The following CNTN4 variants were observed in gnomAD, a reference collection of about 807,000 sequenced individuals.
CNTN4 encodes the protein contactin-4.
A neutral mutation model predicts 122.5 loss-of-function variants in CNTN4; 77 were observed. The observed-to-expected ratio is 0.63, with a 90% CI of 0.52 to 0.76. The LOEUF is 0.76. Among genes scored for constraint, CNTN4 ranks in the 30% least tolerant of loss-of-function variants. The pLI is 0.00. For missense variants in CNTN4, 1,256 were observed against 1,259.1 expected (o/e 1.00, Z 0.04); for synonymous variants, 512 against 447.0 (o/e 1.15, Z -1.83).
intron 3 of CNTN4, among the ~76,000 whole-genome samples, chr3:2,553,835 A>T (rs987710830): frequency 3.3e-5 from 5 of 152,216 alleles, no homozygotes; most frequent in African/African-American, 1.2e-4. Flanking sequence ...ATGATCAAAC[A>T]GGTTGGTTCT....
intron 4 of CNTN4, among the ~76,000 whole-genome samples, chr3:2,598,145 C>T (rs2728063): frequency 0.18 from 27,690 of 152,072 alleles, 2,709 homozygotes; most frequent in Non-Finnish European, 0.22. Context: ...GCCTTTCTTC[C>T]GACTTCCTTT....
chr3:2,531,862 G>A (rs2077609246), intron 3 of CNTN4, among the ~76,000 whole-genome samples: 1 of 152,130 alleles, frequency 6.6e-6, no homozygotes, highest in Non-Finnish European at 1.5e-5. Context: ...CTTATGTGAT[G>A]TCCCTGACAT....
intron 4 of CNTN4, among the ~76,000 whole-genome samples, chr3:2,581,087 C>A (rs1221990788): frequency 1.3e-5 from 2 of 152,146 alleles, no homozygotes; most frequent in Admixed American, 6.5e-5. Context: ...TGTCATCTGG[C>A]AACTTATTAG....
At chr3:2,175,991 T>C (rs111361729) in intron 2 of CNTN4, among the ~76,000 whole-genome samples, 1 of 152,208 alleles carries the variant, frequency 6.6e-6, no homozygotes, top group African/African-American at 2.4e-5. Flanking sequence ...GAAAATATGG[T>C]TTATTCCATG....
At chr3:2,770,198 G>A (rs1279436398) in intron 6 of CNTN4, among the ~76,000 whole-genome samples, 1 of 151,630 alleles carries the variant, frequency 6.6e-6, no homozygotes, top group Non-Finnish European at 1.5e-5. Context: ...CCCGGCTAAC[G>A]TTTGTATTTT....
chr3:2,608,571 T>A (rs539192783), intron 4 of CNTN4, among the ~76,000 whole-genome samples: 3 of 152,352 alleles, frequency 2.0e-5, no homozygotes, highest in Admixed American at 1.3e-4. Context: ...TCATGGGTTC[T>A]CATGGGTTTA....
At chr3:2,242,192 G>T (rs561603228) in intron 2 of CNTN4, among the ~76,000 whole-genome samples, 1 of 152,130 alleles carries the variant, frequency 6.6e-6, no homozygotes, top group South Asian at 2.1e-4. Flanking sequence ...CATTTTCTTT[G>T]ACCATTCTTG....
chr3:2,489,900 A>G (rs1184417094), intron 3 of CNTN4, among the ~76,000 whole-genome samples: 1 of 152,172 alleles, frequency 6.6e-6, no homozygotes, highest in African/African-American at 2.4e-5. Flanking sequence ...TTTACTCTGA[A>G]AAGGATGTAT....
At chr3:2,344,819 T>C (rs1478344542) in intron 3 of CNTN4, among the ~76,000 whole-genome samples, 1 of 152,232 alleles carries the variant, frequency 6.6e-6, no homozygotes, top group Non-Finnish European at 1.5e-5. Context: ...ATAATTAGTA[T>C]TATTTGGTTG....
intron 2 of CNTN4, among the ~76,000 whole-genome samples, chr3:2,335,234 CTT>C (rs2043898661): frequency 6.6e-6 from 1 of 151,802 alleles, no homozygotes; most frequent in Non-Finnish European, 1.5e-5. Context: ...ATAATAAAAA[CTT>C]TAACTTAGGA....
At chr3:2,693,153 T>G in intron 4 of CNTN4, among the ~76,000 whole-genome samples, 1 of 152,294 alleles carries the variant, frequency 6.6e-6, no homozygotes, top group African/African-American at 2.4e-5. Context: ...TGCCTATCAT[T>G]AATTAGTATT....
intron 3 of CNTN4, among the ~76,000 whole-genome samples, chr3:2,371,658 G>A (rs2045637713): frequency 1.3e-5 from 2 of 152,148 alleles, no homozygotes; most frequent in South Asian, 4.1e-4. Flanking sequence ...CTAGATTCGT[G>A]TTCAGGATTA....
intron 8 of CNTN4, among the ~76,000 whole-genome samples, chr3:2,877,431 T>C (rs1320978883): frequency 1.3e-5 from 2 of 152,246 alleles, no homozygotes; most frequent in African/African-American, 4.8e-5. Context: ...GGCAATGAAT[T>C]ATAATGAATT....
intron 13 of CNTN4, among the ~76,000 whole-genome samples, chr3:2,946,458 TAAAGCAATAA>T (rs2151552615): frequency 6.6e-6 from 1 of 152,314 alleles, no homozygotes; most frequent in African/African-American, 2.4e-5. Flanking sequence ...TGTCTCACTG[TAAAGCAATAA>T]AGCTTTCTAG....
At chr3:2,674,451 A>G (rs2150407776) in intron 4 of CNTN4, among the ~76,000 whole-genome samples, 1 of 152,320 alleles carries the variant, frequency 6.6e-6, no homozygotes, top group East Asian at 1.9e-4. Flanking sequence ...GCTATTTGAA[A>G]ATATGCAAGA....
chr3:2,412,856 G>T (rs2047276269), intron 3 of CNTN4, among the ~76,000 whole-genome samples: 1 of 151,900 alleles, frequency 6.6e-6, no homozygotes, highest in Non-Finnish European at 1.5e-5. Context: ...GTGAGTTGAG[G>T]CAATTTATTT....
intron 4 of CNTN4, among the ~76,000 whole-genome samples, chr3:2,609,582 T>A (rs115716601): frequency 6.6e-6 from 1 of 152,192 alleles, no homozygotes; most frequent in African/African-American, 2.4e-5. Context: ...AAGCATTATG[T>A]TCAGTAGGAT....
At chr3:2,740,387 A>G (rs1239031794) in intron 5 of CNTN4, among the ~76,000 whole-genome samples, 1 of 152,116 alleles carries the variant, frequency 6.6e-6, no homozygotes, top group Non-Finnish European at 1.5e-5. Flanking sequence ...AAAAGTCAGT[A>G]TGCCAGAGCA....
At chr3:2,460,668 G>C (rs979571867) in intron 3 of CNTN4, among the ~76,000 whole-genome samples, 1 of 152,148 alleles carries the variant, frequency 6.6e-6, no homozygotes, top group Non-Finnish European at 1.5e-5. Flanking sequence ...TGGGTAGACT[G>C]AATGGCCTTT....
Sources: gnomAD v4.1 joint callset for allele counts (sites outside exome capture counted in the v4.1 genomes callset) on GRCh38, gnomAD v4.1.1 for gene constraint, MANE v1.5 for transcripts, NCBI Gene and HGNC (gene_info 2026-07-23, HGNC 2026-07-21) for gene names.